Variants in TRAK1 observed in about 807,000 individuals in gnomAD.
The protein encoded by TRAK1 is trafficking kinesin-binding protein 1.
In TRAK1, 33 loss-of-function variants were observed where a neutral mutation model predicts 92.1. The observed-to-expected ratio is 0.36, with a 90% CI of 0.27 to 0.48. The LOEUF is 0.48. Among genes scored for constraint, TRAK1 ranks in the 20% least tolerant of loss-of-function variants. The pLI, the probability that TRAK1 is intolerant of heterozygous loss-of-function variation, is 0.99. For synonymous variants in TRAK1, 521 were observed against 517.3 expected (o/e 1.01, Z -0.10); for missense variants, 1,123 against 1,257.9 (o/e 0.89, Z 1.62).
chr3:42,125,748 C>A, intron 2 of TRAK1, 134 bp downstream of exon 2: 3 of 993,114 alleles, frequency 3.0e-6, no homozygotes, highest in East Asian at 2.5e-5. Flanking sequence ...CAAAGAAATG[C>A]GGCTGTAGGG....
At chr3:42,128,224 A>G (rs954788665) in intron 2 of TRAK1, among the ~76,000 whole-genome samples, 2 of 152,194 alleles carry the variant, frequency 1.3e-5, no homozygotes, top group African/African-American at 4.8e-5. Context: ...GTAGACTTGA[A>G]CAGAGAGTGA....
At chr3:42,178,115 G>T (rs1002334277) in intron 3 of TRAK1, among the ~76,000 whole-genome samples, 17 of 151,978 alleles carry the variant, frequency 1.1e-4, no homozygotes, top group African/African-American at 4.1e-4. Context: ...AAGTGCTTCC[G>T]GCACCCGCTC....
At chr3:42,100,860 G>A (rs955293936) in intron 1 of TRAK1, among the ~76,000 whole-genome samples, 1 of 151,666 alleles carries the variant, frequency 6.6e-6, no homozygotes, top group Non-Finnish European at 1.5e-5. Context: ...GTAGAGACAG[G>A]GTTTCACCAT....
At chr3:42,122,691 G>A (rs1436773454) in intron 1 of TRAK1, among the ~76,000 whole-genome samples, 1 of 152,146 alleles carries the variant, frequency 6.6e-6, no homozygotes, top group Non-Finnish European at 1.5e-5. Flanking sequence ...CTTATTGTGG[G>A]CCCATCTTGA....
chr3:42,016,996 A>G (rs1462116602), intron 1 of TRAK1, among the ~76,000 whole-genome samples: 2 of 152,166 alleles, frequency 1.3e-5, no homozygotes, highest in Non-Finnish European at 2.9e-5. Context: ...GCGGTGGCTC[A>G]CACCTGTAAT....
At chr3:42,176,444 T>A (rs763577106) in intron 2 of TRAK1, among the ~76,000 whole-genome samples, 2 of 152,236 alleles carry the variant, frequency 1.3e-5, no homozygotes, top group African/African-American at 2.4e-5. Context: ...CAGGCCTTTC[T>A]GATCATTCAC....
chr3:42,128,415 T>C (rs1241468979), intron 2 of TRAK1, among the ~76,000 whole-genome samples: 1 of 152,214 alleles, frequency 6.6e-6, no homozygotes, highest in Non-Finnish European at 1.5e-5. Flanking sequence ...CTGTATCTTC[T>C]GTGGTTCCTG....
At chr3:42,195,056 A>C in intron 10 of TRAK1, 115 bp downstream of exon 10, 2 of 1,280,136 alleles carry the variant, frequency 1.6e-6, no homozygotes, top group Non-Finnish European at 2.1e-6. Context: ...CTCGTTGTAC[A>C]GTTCAGATCT....
chr3:42,212,695 A>G (rs1709197174), intron 14 of TRAK1: 2 of 468,770 alleles, frequency 4.3e-6, no homozygotes, highest in Non-Finnish European at 5.6e-6. Context: ...ATACTTTATC[A>G]GAACTAGTTA....
intron 1 of TRAK1, among the ~76,000 whole-genome samples, chr3:42,044,439 G>A (rs770969524): frequency 7.2e-5 from 11 of 151,926 alleles, no homozygotes; most frequent in Non-Finnish European, 1.3e-4. Context: ...TGGGAATACA[G>A]AAGTGAGCCA....
chr3:42,099,244 C>T (rs915415235), intron 1 of TRAK1, among the ~76,000 whole-genome samples: 4 of 151,842 alleles, frequency 2.6e-5, no homozygotes, highest in African/African-American at 4.8e-5. Context: ...CAACCTCTAC[C>T]GGGGCGGAGT....
chr3:42,034,752 T>C (rs1378154269), intron 1 of TRAK1, among the ~76,000 whole-genome samples: 1 of 152,184 alleles, frequency 6.6e-6, no homozygotes, highest in Non-Finnish European at 1.5e-5. Context: ...TCCAGCCCTC[T>C]TTCCCAGCCA....
At chr3:42,071,010 AG>A (rs1340708442) in intron 1 of TRAK1, among the ~76,000 whole-genome samples, 2 of 152,168 alleles carry the variant, frequency 1.3e-5, no homozygotes, top group African/African-American at 2.4e-5. Flanking sequence ...TGACTTGAGG[AG>A]GGTGATGTTG....
At chr3:42,068,842 G>A (rs188775338) in intron 1 of TRAK1, among the ~76,000 whole-genome samples, 64 of 152,236 alleles carry the variant, frequency 4.2e-4, no homozygotes, top group African/African-American at 1.5e-3. Flanking sequence ...TTTAATCCTT[G>A]TAACAGCTTC....
chr3:42,111,527 C>G (rs2149074612), intron 1 of TRAK1, among the ~76,000 whole-genome samples: 1 of 152,086 alleles, frequency 6.6e-6, no homozygotes, highest in Non-Finnish European at 1.5e-5. Context: ...TCCCGAGTAG[C>G]TGGGACTACA....
intron 1 of TRAK1, among the ~76,000 whole-genome samples, chr3:42,054,188 G>T (rs1365579678): frequency 6.6e-6 from 1 of 152,144 alleles, no homozygotes; most frequent in East Asian, 1.9e-4. Context: ...AATATTCAGG[G>T]CTCCTTATGT....
At chr3:42,077,982 C>G (rs73828525) in intron 1 of TRAK1, among the ~76,000 whole-genome samples, 1 of 152,172 alleles carries the variant, frequency 6.6e-6, no homozygotes, top group Non-Finnish European at 1.5e-5. Flanking sequence ...CTACTTCTTC[C>G]GCAGTTTGAC....
At chr3:42,063,216 CG>C (rs1403090317) in intron 1 of TRAK1, among the ~76,000 whole-genome samples, 1 of 152,250 alleles carries the variant, frequency 6.6e-6, no homozygotes, top group Non-Finnish European at 1.5e-5. Context: ...GGAATTGCAA[CG>C]GAGACTGTAT....
intron 14 of TRAK1, among the ~76,000 whole-genome samples, chr3:42,213,662 C>CT: frequency 6.6e-6 from 1 of 152,214 alleles, no homozygotes; most frequent in East Asian, 1.9e-4. Context: ...CCTGTCCCCT[C>CT]TTCAGTACAC....
Sources: gnomAD v4.1 joint callset for allele counts (sites outside exome capture counted in the v4.1 genomes callset) on GRCh38, gnomAD v4.1.1 for gene constraint, MANE v1.5 for transcripts, NCBI Gene and HGNC (gene_info 2026-07-23, HGNC 2026-07-21) for gene names.